ZNF257: variants seen among roughly 807,000 people sequenced by gnomAD.
ZNF257 encodes zinc finger protein 257.
In ZNF257, 12 loss-of-function variants were observed where a neutral mutation model predicts 11.9. That is an observed-to-expected ratio of 1.01 (90% CI 0.65 to 1.63). The LOEUF (loss-of-function observed/expected upper bound fraction) is 1.63, where lower values mean the gene tolerates loss of function less well. Among genes scored for constraint, ZNF257 ranks in the 40% most tolerant of loss-of-function variants. The pLI is 0.00. For missense variants in ZNF257, 580 were observed against 665.5 expected (o/e 0.87, Z 1.41); for synonymous variants, 183 against 222.7 (o/e 0.82, Z 1.59).
intron 3 of ZNF257, among the ~76,000 whole-genome samples, chr19:22,080,224 C>T (rs2022327961): frequency 6.6e-6 from 1 of 152,150 alleles, no homozygotes. Flanking sequence ...AAGAGAGCCT[C>T]TCACTTTGTT....
Position 22,086,568 on chromosome 19 carries a change from A to G in ZNF257, c.227-1409A>G, listed in dbSNP as rs558203186. 1.3e-4 allele frequency among the ~76,000 whole-genome samples: 19 copies of G among 152,000 alleles called. No individual in the cohort carries two copies. The South Asian group carries it at 3.7e-3, about 30-fold the overall frequency. ...TGCATCGTGTTATTTTCAGTGGAAG[A>G]AACTTTTTTCAGCATCTTTGATCTA... On this transcript the variant is annotated intron_variant, in intron 3 of 3. Coordinates refer to ENST00000594947, the MANE Select transcript of ZNF257 (RefSeq NM_033468.4).
At chr19:22,054,363 G>C (rs562804536) in intron 1 of ZNF257, among the ~76,000 whole-genome samples, 3 of 152,012 alleles carry the variant, frequency 2.0e-5, no homozygotes, top group African/African-American at 2.4e-5. Context: ...AGCCGCGTCC[G>C]GCCTTTTCCG....
Position 22,089,695 on chromosome 19 carries a change from G to T in ZNF257, c.*253G>T. On this transcript the variant is annotated 3_prime_UTR_variant, in exon 4 of 4. Transcript: ENST00000594947. ...ACTAAACATGAGAACACATGTGGAA[G>T]ATAAAGCCTACAAATATGAAGAATG... 1.2e-6 allele frequency: 1 copy of T among 863,226 alleles called. No individual in the cohort carries two copies. The allele number at this position is 863,226 out of a possible 1,614,324, so 53.5% of individuals were successfully genotyped here.
chr19:22,054,914 CTTTTTTTTTT>C (rs58547883), intron 1 of ZNF257, among the ~76,000 whole-genome samples: 45 of 110,634 alleles, frequency 4.1e-4, no homozygotes, highest in Admixed American at 1.7e-3. Flanking sequence ...GCTACTGGGT[CTTTTTTTTTT>C]TTTTTTTTTT....
rs997283961 is a variant in ZNF257, at chr19:22,052,525, C to T, written c.-108C>T. 14 of 1,385,116 alleles carry T rather than the reference C, an allele frequency of 1.0e-5. No homozygotes were observed. Among genetic ancestry groups the T allele is most frequent in the African/African-American group, 4.3e-5 (3 of 69,526 alleles). The allele number at this position is 1,385,116 out of a possible 1,614,324, so 85.8% of individuals were successfully genotyped here. ...TAGCCCGAGCTGCAGGTCTCGTCTT[C>T]CCTGGTCTGTGTCCTCTTCTCCTAG... On this transcript the variant is annotated 5_prime_UTR_variant, in exon 1 of 4. Transcript: ENST00000594947.
chr19:22,053,232 G>T (rs1381350483), intron 1 of ZNF257, among the ~76,000 whole-genome samples: 1 of 151,976 alleles, frequency 6.6e-6, no homozygotes, highest in Non-Finnish European at 1.5e-5. Context: ...AGCGGGCGTG[G>T]TGGCATGTGC....
At chr19:22,071,809 G>T (rs1461290957) in intron 1 of ZNF257, among the ~76,000 whole-genome samples, 1 of 151,968 alleles carries the variant, frequency 6.6e-6, no homozygotes, top group Non-Finnish European at 1.5e-5. Flanking sequence ...AGAAGAAAGG[G>T]GTTCTTAAAA....
rs773066698 is a variant in ZNF257 at position 22,088,985 on chromosome 19, C to T, written c.1235C>T (p.Ser412Phe). 3 of 1,611,044 alleles carry T rather than the reference C, an allele frequency of 1.9e-6. No homozygotes were observed. The East Asian group carries it at 6.7e-5, about 36-fold the overall frequency. Reference protein sequence around the residue: ...CDEYCKAFNWSSALTTLTQHK... With the variant: ...CDEYCKAFNWFSALTTLTQHK... ...GAATATTGCAAAGCTTTTAACTGGTCCTCAGCTCTTACTACCCTTACTCAG... is the reference window on the plus strand; with the variant it reads ...GAATATTGCAAAGCTTTTAACTGGTTCTCAGCTCTTACTACCCTTACTCAG... The change falls in exon 4 of 4, where the codon TCC becomes TTC. Residue 412 changes from serine (S) to phenylalanine (F), a missense_variant. Coordinates refer to ENST00000594947, the MANE Select transcript of ZNF257 (RefSeq NM_033468.4).
chr19:22,075,719 C>T (rs1231947143), intron 3 of ZNF257: 1 of 152,158 alleles, frequency 6.6e-6, no homozygotes, highest in African/African-American at 2.4e-5. Context: ...CAACTTCATC[C>T]CTGGACTTTA....
At chr19:22,061,104 C>T (rs1451950463) in intron 1 of ZNF257, among the ~76,000 whole-genome samples, 1 of 130,622 alleles carries the variant, frequency 7.7e-6, no homozygotes, top group Non-Finnish European at 1.6e-5. Context: ...GCTATTTGGG[C>T]TCTTTTTTTT....
chr19:22,076,556 G>A (rs10411607), intron 3 of ZNF257, among the ~76,000 whole-genome samples: 7,187 of 152,056 alleles, frequency 0.047, 616 homozygotes, highest in African/African-American at 0.17. Context: ...TGAGTACACA[G>A]TTACAGTCAA....
At chr19:22,073,010 A>G in intron 2 of ZNF257, 75 bp downstream of exon 2, 1 of 1,387,418 alleles carries the variant, frequency 7.2e-7, no homozygotes. Flanking sequence ...TTTTTTGTAG[A>G]ATGTTTTTTG....
At position 22,069,957 on chromosome 19, in the gene ZNF257, G is replaced by A. The variant is rs531997710; in HGVS notation, c.4-2852G>A. Among the ~76,000 whole-genome samples, 4 of 152,180 alleles carry A rather than the reference G, an allele frequency of 2.6e-5. No individual in the cohort carries two copies. In the South Asian group the frequency reaches 8.3e-4, roughly 32 times the overall value. On this transcript the variant is annotated intron_variant, in intron 1 of 3. Coordinates refer to ENST00000594947, the MANE Select transcript of ZNF257 (RefSeq NM_033468.4). ...AGGCTCCACTCCCTGCTCCAGTTCT[G>A]TTCAGTTCCTACTTGGGGGCTTTAT...
At chr19:22,072,990 A>T in intron 2 of ZNF257, 55 bp downstream of exon 2, 2 of 1,421,974 alleles carry the variant, frequency 1.4e-6, no homozygotes, top group South Asian at 1.5e-5. Flanking sequence ...TTTATTTTTT[A>T]TTTATTTTTT....
intron 3 of ZNF257, among the ~76,000 whole-genome samples, chr19:22,075,184 G>C (rs2022198558): frequency 6.6e-6 from 1 of 152,148 alleles, no homozygotes; most frequent in Admixed American, 6.6e-5. Context: ...TTGGATAGTT[G>C]TAATTCCCAT....
chr19:22,090,824 G>A lies in ZNF257; in HGVS notation c.*1382G>A, dbSNP rs1233641694. ...CTATTGTATTCACCTGTGAAAGCAT[G>A]TGATCAACTATTGCTGCATCAGAGA... On this transcript the variant is annotated 3_prime_UTR_variant, in exon 4 of 4. Coordinates refer to ENST00000594947, the MANE Select transcript of ZNF257 (RefSeq NM_033468.4). 6.6e-6 allele frequency: 1 copy of A among 152,060 alleles called. No individual in the cohort carries two copies. Among genetic ancestry groups the A allele is most frequent in the Admixed American group, 6.6e-5 (1 of 15,260 alleles). The allele number at this position is 152,060 out of a possible 1,614,324, so 9.4% of individuals were successfully genotyped here. A position where few individuals can be genotyped will look rare whatever the true frequency, so the allele number is the denominator to read the frequency against.
At chr19:22,063,376 G>T (rs1032369697) in intron 1 of ZNF257, among the ~76,000 whole-genome samples, 12 of 151,938 alleles carry the variant, frequency 7.9e-5, no homozygotes, top group South Asian at 2.1e-4. Context: ...AGCTGCTTTT[G>T]GTTATTTTTT....
At position 22,090,549 on chromosome 19, in the gene ZNF257, G is replaced by T. The variant is rs1006203171; in HGVS notation, c.*1107G>T. On this transcript the variant is annotated 3_prime_UTR_variant, in exon 4 of 4. Transcript: ENST00000594947. ...AAATTGAGTTTATATAATTATCAGA[G>T]AATTAACAGTAGAAATAGCTAAGGC... The T allele has an allele frequency of 6.6e-6, 1 of 152,030 alleles. No individual in the cohort carries two copies. The highest frequency in any genetic ancestry group is 2.1e-4 in the South Asian group (1 of 4,834). 9.4% of individuals were successfully genotyped at this position (152,030 alleles called of 1,614,324 possible).
At chr19:22,052,833 G>GT (rs1696593696) in intron 1 of ZNF257, among the ~76,000 whole-genome samples, 198 bp downstream of exon 1, 1 of 152,064 alleles carries the variant, frequency 6.6e-6, no homozygotes, top group Non-Finnish European at 1.5e-5. Flanking sequence ...CGGGCGTCCT[G>GT]TCTCTTCCCT....
Sources: gnomAD v4.1 joint callset for allele counts (sites outside exome capture counted in the v4.1 genomes callset) on GRCh38, gnomAD v4.1.1 for gene constraint, MANE v1.5 for transcripts, NCBI Gene and HGNC (gene_info 2026-07-23, HGNC 2026-07-21) for gene names.